The following LHFPL3 variants were observed in gnomAD, a reference collection of about 807,000 sequenced individuals.
The protein encoded by LHFPL3 is LHFPL tetraspan subfamily member 3, also known as LHFPL tetraspan subfamily member 3 protein.
A neutral mutation model predicts 19.3 loss-of-function variants in LHFPL3; 5 were observed. The ratio of observed to expected loss-of-function variants is 0.26; its 90% CI spans 0.14 to 0.54. The LOEUF (loss-of-function observed/expected upper bound fraction) is 0.54. LHFPL3 is among the 20% of genes least tolerant of loss of function. The pLI is 0.94. For synonymous variants in LHFPL3, 133 were observed against 126.2 expected (o/e 1.05, Z -0.36); for missense variants, 249 against 307.4 (o/e 0.81, Z 1.42).
At chr7:104,523,387 T>C (rs567929347) in intron 1 of LHFPL3, among the ~76,000 whole-genome samples, 1 of 152,284 alleles carries the variant, frequency 6.6e-6, no homozygotes, top group African/African-American at 2.4e-5. Context: ...AATCATTACC[T>C]AGGATAAGGG....
intron 1 of LHFPL3, among the ~76,000 whole-genome samples, chr7:104,392,514 C>A (rs556871534): frequency 6.6e-6 from 1 of 151,902 alleles, no homozygotes; most frequent in Non-Finnish European, 1.5e-5. Context: ...ATTGAACCAG[C>A]CTTGCATCCC....
intron 1 of LHFPL3, among the ~76,000 whole-genome samples, chr7:104,426,946 C>T (rs577861610): frequency 6.6e-6 from 1 of 152,232 alleles, no homozygotes; most frequent in African/African-American, 2.4e-5. Context: ...ACCCCCAACA[C>T]GTGTGTGGCA....
chr7:104,590,237 C>G (rs1281178140), intron 1 of LHFPL3, among the ~76,000 whole-genome samples: 5 of 152,108 alleles, frequency 3.3e-5, no homozygotes, highest in Non-Finnish European at 5.9e-5. Flanking sequence ...CCTGCTTTCT[C>G]TTGTGGACAT....
intron 2 of LHFPL3, among the ~76,000 whole-genome samples, chr7:104,777,765 TC>T (rs1032425810): frequency 3.9e-5 from 6 of 152,076 alleles, no homozygotes; most frequent in African/African-American, 1.4e-4. Flanking sequence ...TTTTTTTTTT[TC>T]CCTTCGTTCC....
chr7:104,761,583 A>T (rs1235535762), intron 2 of LHFPL3, among the ~76,000 whole-genome samples: 1 of 152,138 alleles, frequency 6.6e-6, no homozygotes, highest in Admixed American at 6.5e-5. Flanking sequence ...TGGGAAGGCT[A>T]GGGTAGAAAA....
At chr7:104,512,889 G>T (rs543836968) in intron 1 of LHFPL3, among the ~76,000 whole-genome samples, 7 of 152,248 alleles carry the variant, frequency 4.6e-5, no homozygotes, top group Non-Finnish European at 1.0e-4. Flanking sequence ...TTAAATTGGC[G>T]ATGAGGCAGC....
At chr7:104,892,405 T>G (rs937473943) in intron 2 of LHFPL3, among the ~76,000 whole-genome samples, 1 of 152,162 alleles carries the variant, frequency 6.6e-6, no homozygotes, top group East Asian at 1.9e-4. Flanking sequence ...AATTTTTCTT[T>G]TTCAGAGTCA....
intron 1 of LHFPL3, among the ~76,000 whole-genome samples, chr7:104,532,318 CTTTTT>C (rs71155504): frequency 1.3e-4 from 11 of 87,228 alleles, no homozygotes; most frequent in East Asian, 4.1e-4. Context: ...TTCTTTCTGT[CTTTTT>C]TTTTTTTTTT....
chr7:104,766,893 C>T (rs1316220061), intron 2 of LHFPL3, among the ~76,000 whole-genome samples: 1 of 152,192 alleles, frequency 6.6e-6, no homozygotes, highest in Non-Finnish European at 1.5e-5. Context: ...CCCAAAACAG[C>T]TTAGCCTTGG....
chr7:104,719,514 A>T (rs1476020075), intron 1 of LHFPL3, among the ~76,000 whole-genome samples: 1 of 152,210 alleles, frequency 6.6e-6, no homozygotes, highest in African/African-American at 2.4e-5. Context: ...CATTCCACAC[A>T]TTTAGCATTT....
chr7:104,759,375 T>A (rs12671142), intron 2 of LHFPL3, among the ~76,000 whole-genome samples: 28,397 of 151,980 alleles, frequency 0.19, 3,201 homozygotes, highest in South Asian at 0.43. Context: ...AAATTTTTTT[T>A]TAAAAAAAGG....
At chr7:104,440,738 T>C (rs1272032110) in intron 1 of LHFPL3, among the ~76,000 whole-genome samples, 1 of 152,188 alleles carries the variant, frequency 6.6e-6, no homozygotes. Flanking sequence ...AAATCAACCA[T>C]TATTTCTAAG....
intron 1 of LHFPL3, among the ~76,000 whole-genome samples, chr7:104,533,653 G>T (rs1387838799): frequency 6.6e-6 from 1 of 152,172 alleles, no homozygotes; most frequent in Admixed American, 6.5e-5. Flanking sequence ...CACAAAATCA[G>T]TGCCTACACA....
chr7:104,723,434 T>C (rs1441734958), intron 1 of LHFPL3, among the ~76,000 whole-genome samples: 1 of 152,066 alleles, frequency 6.6e-6, no homozygotes, highest in Non-Finnish European at 1.5e-5. Context: ...TCAAGAATGT[T>C]CTCTCAGCCC....
intron 2 of LHFPL3, among the ~76,000 whole-genome samples, chr7:104,886,363 ATTTTG>A (rs979416578): frequency 1.6e-4 from 24 of 152,074 alleles, no homozygotes; most frequent in Middle Eastern, 3.4e-3. Context: ...CGTTGGTTTT[ATTTTG>A]TTTTGTTTTG....
chr7:104,594,365 C>T (rs1253037206), intron 1 of LHFPL3, among the ~76,000 whole-genome samples: 2 of 152,178 alleles, frequency 1.3e-5, no homozygotes, highest in East Asian at 1.9e-4. Flanking sequence ...ACTATTGGCT[C>T]CCACTTTCTT....
At chr7:104,592,441 T>TATTGCAGAACAGCAAAA (rs1562944265) in intron 1 of LHFPL3, among the ~76,000 whole-genome samples, 1 of 148,990 alleles carries the variant, frequency 6.7e-6, no homozygotes, top group African/African-American at 2.5e-5. Flanking sequence ...GAACAGCAAA[T>TATTGCAGAACAGCAAAA]GTTGCTGCCT....
At chr7:104,451,208 T>A (rs1238551738) in intron 1 of LHFPL3, among the ~76,000 whole-genome samples, 2 of 152,188 alleles carry the variant, frequency 1.3e-5, no homozygotes, top group African/African-American at 2.4e-5. Context: ...TGGAAATATC[T>A]GAAAGGGTGT....
intron 2 of LHFPL3, among the ~76,000 whole-genome samples, chr7:104,783,028 A>C (rs567871921): frequency 6.6e-6 from 1 of 152,346 alleles, no homozygotes; most frequent in East Asian, 1.9e-4. Flanking sequence ...TTCTCAAATC[A>C]CTTGTGCAAT....
Sources: gnomAD v4.1 joint callset for allele counts (sites outside exome capture counted in the v4.1 genomes callset) on GRCh38, gnomAD v4.1.1 for gene constraint, MANE v1.5 for transcripts, NCBI Gene and HGNC (gene_info 2026-07-23, HGNC 2026-07-21) for gene names.